IL1RAPL2: variants seen among roughly 807,000 people sequenced by gnomAD.
IL1RAPL2 encodes the protein X-linked interleukin-1 receptor accessory protein-like 2.
IL1RAPL2 carries 3 observed loss-of-function variants against 44.1 expected under a neutral mutation model. The observed-to-expected ratio is 0.07, with a 90% CI of 0.03 to 0.18. The LOEUF (loss-of-function observed/expected upper bound fraction) is 0.18, where lower values mean the gene tolerates loss of function less well. IL1RAPL2 is among the 10% of genes least tolerant of loss of function. The probability of loss-of-function intolerance (pLI) is 1.00; values close to 1 mark genes in which losing one functional copy is unlikely to be tolerated. For missense variants in IL1RAPL2, 391 were observed against 496.4 expected (o/e 0.79, Z 2.02); for synonymous variants, 181 against 178.8 (o/e 1.01, Z -0.10).
intron 5 of IL1RAPL2, among the ~76,000 whole-genome samples, chrX:105,291,827 A>T (rs961159952): frequency 9.0e-6 from 1 of 111,444 alleles, no homozygotes; most frequent in African/African-American, 3.3e-5. Context: ...AATACAGTTG[A>T]CCCTCAAAAA....
intron 6 of IL1RAPL2, among the ~76,000 whole-genome samples, chrX:105,623,367 A>G (rs1008399690): frequency 5.4e-5 from 6 of 110,607 alleles, no homozygotes; most frequent in African/African-American, 1.3e-4. Flanking sequence ...ATACATATAT[A>G]AATGCATATA....
intron 8 of IL1RAPL2, among the ~76,000 whole-genome samples, chrX:105,741,039 G>A (rs2038495626): frequency 9.0e-6 from 1 of 110,947 alleles, no homozygotes; most frequent in Non-Finnish European, 1.9e-5. Flanking sequence ...TGAAATGCAA[G>A]AGATTTTATT....
chrX:105,051,688 AC>A (rs1347734792), intron 2 of IL1RAPL2, among the ~76,000 whole-genome samples: 1 of 113,028 alleles, frequency 8.8e-6, no homozygotes, highest in Non-Finnish European at 1.9e-5. Flanking sequence ...CGGGCCTCCC[AC>A]CGGCTGCATG....
intron 2 of IL1RAPL2, among the ~76,000 whole-genome samples, chrX:104,763,641 G>A (rs1008933913): frequency 2.1e-4 from 23 of 111,864 alleles, no homozygotes; most frequent in African/African-American, 7.5e-4. Context: ...TGGTAGAAGA[G>A]GAAGCAAACA....
At chrX:105,110,632 AC>A (rs2032791468) in intron 2 of IL1RAPL2, among the ~76,000 whole-genome samples, 2 of 111,955 alleles carry the variant, frequency 1.8e-5, no homozygotes, top group Admixed American at 1.9e-4. Context: ...GCAAATTGCA[AC>A]CTGTTTTGTA....
intron 6 of IL1RAPL2, among the ~76,000 whole-genome samples, chrX:105,671,811 A>G (rs958473820): frequency 9.0e-6 from 1 of 111,282 alleles, no homozygotes; most frequent in Admixed American, 9.7e-5. Flanking sequence ...TTATAGTCAC[A>G]CAGGTCCTAG....
intron 4 of IL1RAPL2, among the ~76,000 whole-genome samples, chrX:105,245,881 T>C (rs1267605460): frequency 8.9e-6 from 1 of 112,633 alleles, no homozygotes; most frequent in Non-Finnish European, 1.9e-5. Flanking sequence ...TTCTCCTTTT[T>C]CTTGTCACAA....
chrX:105,681,671 T>C (rs2037926976), intron 6 of IL1RAPL2, among the ~76,000 whole-genome samples: 1 of 111,368 alleles, frequency 9.0e-6, no homozygotes, highest in African/African-American at 3.3e-5. Flanking sequence ...GGCCGGATAA[T>C]TGCTTGAACC....
At chrX:104,939,349 G>C (rs1050487291) in intron 2 of IL1RAPL2, among the ~76,000 whole-genome samples, 1 of 111,650 alleles carries the variant, frequency 9.0e-6, no homozygotes, top group Non-Finnish European at 1.9e-5. Flanking sequence ...GAGCCACCAC[G>C]CTGGGCCACA....
intron 6 of IL1RAPL2, among the ~76,000 whole-genome samples, chrX:105,619,881 A>C (rs1276824230): frequency 9.0e-6 from 1 of 110,693 alleles, no homozygotes; most frequent in Non-Finnish European, 1.9e-5. Flanking sequence ...ATAGACATCT[A>C]GGTAGAAATT....
intron 5 of IL1RAPL2, among the ~76,000 whole-genome samples, chrX:105,298,033 A>T (rs1354036429): frequency 9.0e-6 from 1 of 111,125 alleles, no homozygotes; most frequent in Non-Finnish European, 1.9e-5. Flanking sequence ...ACATGTTTAT[A>T]TATATGTGTG....
Position 104,716,781 on chromosome X carries a change from G to A in IL1RAPL2, c.82+57786G>A, listed in dbSNP as rs532339165. On this transcript the variant is annotated intron_variant, in intron 2 of 10. Coordinates refer to ENST00000372582, the MANE Select transcript of IL1RAPL2 (RefSeq NM_017416.2). ...AAAAAGTCAAAAAATAACAGATGCT[G>A]GCAAGTTTGTGGCAAAAAAGGAACA... 4.5e-5 allele frequency among the ~76,000 whole-genome samples: 5 copies of A among 111,939 alleles called. No individual in the cohort carries two copies. In the South Asian group the frequency reaches 1.8e-3, roughly 41 times the overall value.
At chrX:104,896,077 C>A (rs1437058726) in intron 2 of IL1RAPL2, among the ~76,000 whole-genome samples, 1 of 111,316 alleles carries the variant, frequency 9.0e-6, no homozygotes, top group African/African-American at 3.3e-5. Flanking sequence ...GAGATGCCAC[C>A]CGATGTTTAC....
intron 2 of IL1RAPL2, among the ~76,000 whole-genome samples, chrX:104,761,981 CTT>C (rs1932466853): frequency 1.1e-5 from 1 of 94,094 alleles, no homozygotes; most frequent in African/African-American, 4.2e-5. Context: ...TCTTCTTCTT[CTT>C]CCTCCTCCTC....
chrX:104,641,470 C>A (rs1929933745), intron 1 of IL1RAPL2, among the ~76,000 whole-genome samples: 1 of 111,950 alleles, frequency 8.9e-6, no homozygotes, highest in Non-Finnish European at 1.9e-5. Flanking sequence ...CGAGTCCCTG[C>A]CACTGGAGAG....
rs191711959 is a variant in IL1RAPL2 at position 104,998,358 on chromosome X, G to A, written c.83-197117G>A. Among the ~76,000 whole-genome samples, 11 of 111,485 alleles carry A rather than the reference G, an allele frequency of 9.9e-5. No individual in the cohort carries two copies. The East Asian group carries it at 2.3e-3, about 23-fold the overall frequency. ...TGAGGGGGAGGATGTGAGTGAGGAA[G>A]TGGAGACAGTGAATGTGACAACTTT... On this transcript the variant is annotated intron_variant, in intron 2 of 10. Coordinates refer to ENST00000372582, the MANE Select transcript of IL1RAPL2 (RefSeq NM_017416.2).
At chrX:104,942,154 T>C (rs1008737922) in intron 2 of IL1RAPL2, among the ~76,000 whole-genome samples, 3 of 112,121 alleles carry the variant, frequency 2.7e-5, no homozygotes, top group African/African-American at 9.7e-5. Flanking sequence ...GCTTTGTTCT[T>C]TTGGCTTAGG....
intron 2 of IL1RAPL2, among the ~76,000 whole-genome samples, chrX:105,034,448 G>C (rs1245192633): frequency 1.8e-5 from 2 of 112,234 alleles, no homozygotes; most frequent in Non-Finnish European, 3.8e-5. Flanking sequence ...TTACAGACAG[G>C]ACCCTCAGCT....
intron 2 of IL1RAPL2, among the ~76,000 whole-genome samples, chrX:104,773,307 A>G (rs1190405935): frequency 5.4e-5 from 6 of 112,073 alleles, no homozygotes; most frequent in African/African-American, 1.9e-4. Context: ...CTATATCTAT[A>G]TAATAATATT....
Sources: gnomAD v4.1 joint callset for allele counts (sites outside exome capture counted in the v4.1 genomes callset) on GRCh38, gnomAD v4.1.1 for gene constraint, MANE v1.5 for transcripts, NCBI Gene and HGNC (gene_info 2026-07-23, HGNC 2026-07-21) for gene names.